DNM2: variants seen among roughly 807,000 people sequenced by gnomAD.
DNM2 encodes the protein dynamin 2.
A neutral mutation model predicts 99.0 loss-of-function variants in DNM2; 15 were observed. The observed-to-expected ratio is 0.15, with a 90% CI of 0.10 to 0.23. The LOEUF (loss-of-function observed/expected upper bound fraction) is 0.23. DNM2 is among the 10% of genes least tolerant of loss of function. The pLI is 1.00. For synonymous variants in DNM2, 525 were observed against 481.2 expected (o/e 1.09, Z -1.19); for missense variants, 742 against 1,189.4 (o/e 0.62, Z 5.53).
intron 3 of DNM2, among the ~76,000 whole-genome samples, chr19:10,773,439 G>A (rs1429370126): frequency 1.7e-5 from 2 of 117,002 alleles, no homozygotes; most frequent in Non-Finnish European, 3.4e-5. Flanking sequence ...GAGCCGCCGC[G>A]CCCGGCCAAA....
intron 1 of DNM2, among the ~76,000 whole-genome samples, chr19:10,746,717 C>CTTTTTTTTT (rs1279869201): frequency 9.7e-6 from 1 of 103,192 alleles, no homozygotes; most frequent in Non-Finnish European, 1.8e-5. Context: ...ACCGTGCCGG[C>CTTTTTTTTT]TTTTTTTTTG....
At chr19:10,728,681 C>G (rs2069190320) in intron 1 of DNM2, among the ~76,000 whole-genome samples, 1 of 152,100 alleles carries the variant, frequency 6.6e-6, no homozygotes, top group African/African-American at 2.4e-5. Context: ...GGCACAGGGG[C>G]TCACACCTGT....
chr19:10,743,355 A>G (rs1280285925), intron 1 of DNM2, among the ~76,000 whole-genome samples: 2 of 152,034 alleles, frequency 1.3e-5, no homozygotes, highest in East Asian at 3.9e-4. Context: ...AGGGGTGGGA[A>G]GGAAGCACAG....
At chr19:10,798,276 C>T (rs2072009798) in intron 10 of DNM2, 3 of 591,740 alleles carry the variant, frequency 5.1e-6, no homozygotes, top group African/African-American at 1.9e-5. Flanking sequence ...AGCAGCTCTG[C>T]TCTCCTGCTG....
chr19:10,782,744 G>A (rs2071421832), intron 5 of DNM2, among the ~76,000 whole-genome samples: 1 of 152,224 alleles, frequency 6.6e-6, no homozygotes, highest in African/African-American at 2.4e-5. Flanking sequence ...CACACAGGCT[G>A]GATGTGAGCT....
intron 1 of DNM2, among the ~76,000 whole-genome samples, chr19:10,752,079 AAGAG>A (rs962383457): frequency 1.3e-5 from 2 of 152,230 alleles, no homozygotes; most frequent in African/African-American, 4.8e-5. Context: ...GGGCACGTAA[AAGAG>A]AGAGGAAAGG....
intron 2 of DNM2, chr19:10,768,471 C>CA (rs1020104975): frequency 5.9e-5 from 9 of 151,270 alleles, no homozygotes; most frequent in South Asian, 2.1e-4. Flanking sequence ...ACAACAACAA[C>CA]AAAAAAAAAC....
intron 7 of DNM2, among the ~76,000 whole-genome samples, chr19:10,790,106 T>C (rs1402317695): frequency 2.0e-5 from 3 of 152,210 alleles, no homozygotes; most frequent in Non-Finnish European, 4.4e-5. Context: ...CATGCAGACA[T>C]GGGCGGTCTT....
chr19:10,781,920 C>T (rs970911295), intron 5 of DNM2: 1 of 152,158 alleles, frequency 6.6e-6, no homozygotes, highest in Non-Finnish European at 1.5e-5. Flanking sequence ...ACTTTCTTTT[C>T]AGTTCCATTG....
At chr19:10,784,329 A>ACG in intron 6 of DNM2, among the ~76,000 whole-genome samples, 1 of 152,310 alleles carries the variant, frequency 6.6e-6, no homozygotes, top group East Asian at 1.9e-4. Flanking sequence ...GAAAAGAGCC[A>ACG]CCCAGAGAAG....
chr19:10,734,745 G>A (rs2069463372), intron 1 of DNM2, among the ~76,000 whole-genome samples: 1 of 150,380 alleles, frequency 6.6e-6, no homozygotes, highest in African/African-American at 2.5e-5. Context: ...TATCGAGATG[G>A]GGGTCTTGCT....
intron 1 of DNM2, among the ~76,000 whole-genome samples, chr19:10,756,754 T>G (rs139523852): frequency 2.0e-5 from 3 of 152,152 alleles, no homozygotes; most frequent in Admixed American, 6.5e-5. Context: ...CCTCCCACTC[T>G]CTGGCTCTTC....
chr19:10,791,180 C>T (rs193107444), intron 7 of DNM2, among the ~76,000 whole-genome samples: 195 of 152,258 alleles, frequency 1.3e-3, no homozygotes, highest in Admixed American at 0.012. Context: ...CCTGGACCTC[C>T]TGGGCTCAAG....
intron 1 of DNM2, among the ~76,000 whole-genome samples, chr19:10,736,727 A>AT (rs1259300234): frequency 1.6e-4 from 24 of 152,188 alleles, no homozygotes; most frequent in African/African-American, 5.8e-4. Flanking sequence ...ATAACTGTGT[A>AT]TTATTCCATC....
chr19:10,773,934 T>C (rs2071065927), intron 3 of DNM2, among the ~76,000 whole-genome samples: 1 of 152,178 alleles, frequency 6.6e-6, no homozygotes, highest in Non-Finnish European at 1.5e-5. Flanking sequence ...TTTAAAACTC[T>C]GCATTCAAAC....
At chr19:10,741,436 C>T (rs886351710) in intron 1 of DNM2, among the ~76,000 whole-genome samples, 1 of 152,040 alleles carries the variant, frequency 6.6e-6, no homozygotes, top group Non-Finnish European at 1.5e-5. Context: ...GCTATATTGA[C>T]CAGGCTGGCC....
chr19:10,733,619 A>C (rs1371311062), intron 1 of DNM2, among the ~76,000 whole-genome samples: 2 of 152,186 alleles, frequency 1.3e-5, no homozygotes, highest in African/African-American at 2.4e-5. Context: ...TACAACCAAG[A>C]AATTAACCTA....
At chr19:10,742,695 G>A (rs957966569) in intron 1 of DNM2, among the ~76,000 whole-genome samples, 1 of 152,150 alleles carries the variant, frequency 6.6e-6, no homozygotes, top group Non-Finnish European at 1.5e-5. Context: ...CCGGGATGGT[G>A]CCTGGCAGAT....
At chr19:10,802,630 G>A (rs934126879) in intron 12 of DNM2, 4 of 511,964 alleles carry the variant, frequency 7.8e-6, no homozygotes, top group African/African-American at 7.7e-5. Flanking sequence ...GGGAGAGGGG[G>A]AAGCCAGCCA....
Sources: gnomAD v4.1 joint callset for allele counts (sites outside exome capture counted in the v4.1 genomes callset) on GRCh38, gnomAD v4.1.1 for gene constraint, MANE v1.5 for transcripts, NCBI Gene and HGNC (gene_info 2026-07-23, HGNC 2026-07-21) for gene names.